KCNH1: variants seen among roughly 807,000 people sequenced by gnomAD.
KCNH1 encodes potassium voltage-gated channel subfamily H member 1.
KCNH1 carries 27 observed loss-of-function variants against 69.2 expected under a neutral mutation model. The observed-to-expected ratio is 0.39, with a 90% CI of 0.29 to 0.54. KCNH1 has a LOEUF of 0.54. Among genes scored for constraint, KCNH1 ranks in the 20% least tolerant of loss-of-function variants. KCNH1 has a pLI of 0.68. For synonymous variants in KCNH1, 456 were observed against 487.7 expected, an observed-to-expected ratio of 0.93 and a Z score of 0.86; for missense variants, 798 against 1,261.6, an observed-to-expected ratio of 0.63 and a Z score of 5.57.
intron 4 of KCNH1, among the ~76,000 whole-genome samples, chr1:211,086,869 C>A (rs1286462367): frequency 1.3e-5 from 2 of 152,172 alleles, no homozygotes; most frequent in African/African-American, 2.4e-5. Context: ...ATCCAAACAT[C>A]CAGCAAAGAA....
At chr1:210,825,964 C>A (rs4245746) in intron 7 of KCNH1, among the ~76,000 whole-genome samples, 1 of 152,106 alleles carries the variant, frequency 6.6e-6, no homozygotes, top group Non-Finnish European at 1.5e-5. Context: ...AAATAAATGT[C>A]CACGGTGTTT....
At chr1:211,057,466 C>A (rs564557968) in intron 5 of KCNH1, among the ~76,000 whole-genome samples, 1 of 151,842 alleles carries the variant, frequency 6.6e-6, no homozygotes, top group Non-Finnish European at 1.5e-5. Context: ...AAAACCCCAT[C>A]TCTACAAAAA....
At chr1:210,740,339 A>G (rs1682991359) in intron 10 of KCNH1, among the ~76,000 whole-genome samples, 1 of 151,592 alleles carries the variant, frequency 6.6e-6, no homozygotes, top group South Asian at 2.1e-4. Context: ...ATTCCCTCCT[A>G]TCTTTTTTTC....
At chr1:210,952,412 T>C (rs140395950) in intron 6 of KCNH1, among the ~76,000 whole-genome samples, 1 of 152,346 alleles carries the variant, frequency 6.6e-6, no homozygotes, top group East Asian at 1.9e-4. Flanking sequence ...GAGTCCTTAC[T>C]ATGTGCAGGT....
At chr1:211,123,241 G>A (rs1392956376) in intron 1 of KCNH1, among the ~76,000 whole-genome samples, 1 of 152,096 alleles carries the variant, frequency 6.6e-6, no homozygotes, top group Non-Finnish European at 1.5e-5. Context: ...GTGGACCGCT[G>A]GCCAAACAAC....
chr1:210,839,373 C>G (rs1256079746), intron 7 of KCNH1, among the ~76,000 whole-genome samples: 1 of 152,020 alleles, frequency 6.6e-6, no homozygotes, highest in East Asian at 1.9e-4. Flanking sequence ...AACACATGGA[C>G]ACACGCTGGG....
chr1:210,825,922 T>A (rs1305485125), intron 7 of KCNH1, among the ~76,000 whole-genome samples: 2 of 152,166 alleles, frequency 1.3e-5, no homozygotes, highest in African/African-American at 4.8e-5. Flanking sequence ...ATAGTAGGAG[T>A]ATTCTGTGTT....
intron 7 of KCNH1, among the ~76,000 whole-genome samples, chr1:210,839,628 T>C (rs1021213655): frequency 6.6e-6 from 1 of 152,234 alleles, no homozygotes; most frequent in Non-Finnish European, 1.5e-5. Context: ...AATTGCCATA[T>C]AAATGTCTAT....
chr1:210,919,686 G>C lies in KCNH1; in HGVS notation c.1416C>G (p.Ser472=). 1 of 1,614,158 alleles carries C rather than the reference G, an allele frequency of 6.2e-7. No homozygotes were observed. Among genetic ancestry groups the C allele is most frequent in the South Asian group, 1.1e-5 (1 of 91,080 alleles). The part of the protein sequence containing the change: ...TSVGFGNIAP[S]TDIEKIFAVA... The stretch of plus-strand genomic sequence containing the variant: ...CTGCAAAGATCTTCTCAATGTCTGT[G>C]GATGGGGCGATGTTCCCAAAGCCCA... The change falls in exon 7 of 11, where the codon TCC becomes TCG. Residue 472 remains serine (S), a synonymous_variant. Transcript: ENST00000271751. The surrounding 1 kb of genome is among the most constrained non-coding windows in gnomAD (Gnocchi z 4.2).
At chr1:210,987,618 G>A (rs1023531417) in intron 6 of KCNH1, among the ~76,000 whole-genome samples, 5 of 152,206 alleles carry the variant, frequency 3.3e-5, no homozygotes, top group Non-Finnish European at 5.9e-5. Context: ...AACCGCAAAT[G>A]CTGCTGCCTG....
intron 7 of KCNH1, among the ~76,000 whole-genome samples, chr1:210,848,189 T>C (rs1304738446): frequency 2.6e-5 from 4 of 152,256 alleles, no homozygotes; most frequent in African/African-American, 9.6e-5. Flanking sequence ...TTATAGGTAG[T>C]AGACATTCAA....
intron 6 of KCNH1, among the ~76,000 whole-genome samples, chr1:210,926,070 C>T (rs1056582837): frequency 6.6e-6 from 1 of 152,136 alleles, no homozygotes; most frequent in African/African-American, 2.4e-5. Context: ...ACCAGCCTGG[C>T]CAACATGGTG....
intron 10 of KCNH1, among the ~76,000 whole-genome samples, chr1:210,767,502 G>C (rs1460469317): frequency 6.6e-6 from 1 of 152,198 alleles, no homozygotes; most frequent in Non-Finnish European, 1.5e-5. Flanking sequence ...AGATACTAAA[G>C]AGCATCTAGA....
At chr1:210,712,053 C>T (rs1558434591) in intron 10 of KCNH1, among the ~76,000 whole-genome samples, 1 of 152,124 alleles carries the variant, frequency 6.6e-6, no homozygotes, top group Non-Finnish European at 1.5e-5. Flanking sequence ...TTCCTGACAG[C>T]GAGCCAGGAG....
intron 6 of KCNH1, among the ~76,000 whole-genome samples, chr1:210,966,151 C>A (rs910928538): frequency 6.6e-6 from 1 of 151,964 alleles, no homozygotes; most frequent in African/African-American, 2.4e-5. Flanking sequence ...CCCTATTTAA[C>A]AAATGGTATT....
intron 6 of KCNH1, among the ~76,000 whole-genome samples, chr1:210,970,664 A>G (rs1292351951): frequency 6.6e-6 from 1 of 152,186 alleles, no homozygotes; most frequent in African/African-American, 2.4e-5. Context: ...ACTTAAATGT[A>G]AAACCCAAAA....
intron 6 of KCNH1, among the ~76,000 whole-genome samples, chr1:210,960,261 A>T (rs1254469375): frequency 6.6e-6 from 1 of 152,198 alleles, no homozygotes; most frequent in African/African-American, 2.4e-5. Context: ...ACTATTACCT[A>T]TATCATAAAT....
chr1:210,710,526 A>G (rs1263465653), intron 10 of KCNH1, among the ~76,000 whole-genome samples: 10 of 152,230 alleles, frequency 6.6e-5, no homozygotes, highest in African/African-American at 2.4e-5. Flanking sequence ...CTACAATGTA[A>G]CAATGGCTAT....
intron 10 of KCNH1, among the ~76,000 whole-genome samples, chr1:210,708,973 C>A (rs6540620): frequency 0.63 from 95,793 of 151,888 alleles, 31,277 homozygotes; most frequent in African/African-American, 0.78. Flanking sequence ...AAAGGGAAAA[C>A]TTTGGGCTGG....
Sources: allele counts gnomAD v4.1 joint callset (sites outside exome capture counted in the v4.1 genomes callset), GRCh38; gene constraint gnomAD v4.1.1; non-coding constraint Gnocchi (gnomAD v3.1); transcripts MANE v1.5; gene names NCBI Gene and HGNC (gene_info 2026-07-23, HGNC 2026-07-21).